Variants in CTNND2 observed in about 807,000 individuals in gnomAD.
CTNND2 encodes catenin delta 2.
A neutral mutation model predicts 144.4 loss-of-function variants in CTNND2; 22 were observed. The observed-to-expected ratio is 0.15, with a 90% CI of 0.11 to 0.22. The LOEUF (loss-of-function observed/expected upper bound fraction) is 0.22, where lower values mean the gene tolerates loss of function less well. Ranked by LOEUF, CTNND2 falls within the 10% of genes least tolerant of loss-of-function variation. The probability of loss-of-function intolerance (pLI) is 1.00; values close to 1 mark genes in which losing one functional copy is unlikely to be tolerated. For missense variants in CTNND2, 1,353 were observed against 1,618.8 expected, an observed-to-expected ratio of 0.84 and a Z score of 2.82; for synonymous variants, 751 against 695.6, an observed-to-expected ratio of 1.08 and a Z score of -1.25.
chr5:11,742,470 G>A (rs965740876), intron 1 of CTNND2, among the ~76,000 whole-genome samples: 1 of 152,020 alleles, frequency 6.6e-6, no homozygotes, highest in African/African-American at 2.4e-5. Context: ...CTTCTCTCAT[G>A]TAGATCAAAG....
intron 8 of CTNND2, 93 bp from the exon 9 acceptor site, chr5:11,346,720 A>C (rs1236836427): frequency 5.7e-6 from 7 of 1,227,478 alleles, no homozygotes; most frequent in Non-Finnish European, 7.4e-6. Context: ...GAAGTTACAC[A>C]CATAAAAAAT....
At chr5:11,374,184 A>G (rs975930011) in intron 7 of CTNND2, among the ~76,000 whole-genome samples, 4 of 152,266 alleles carry the variant, frequency 2.6e-5, no homozygotes, top group African/African-American at 9.6e-5. Context: ...AGACCCCTAG[A>G]AAGACTCTAC....
At chr5:11,493,387 C>T (rs894641322) in intron 3 of CTNND2, among the ~76,000 whole-genome samples, 1 of 152,188 alleles carries the variant, frequency 6.6e-6, no homozygotes, top group Non-Finnish European at 1.5e-5. Flanking sequence ...AAACTATAGG[C>T]TGCACTTCTG....
In CTNND2 at chr5:11,240,730, GCACA is replaced by G. The variant is rs780270727; in HGVS notation, c.1629-3911_1629-3908del. ...CACACACACCCAAAACACACACTCA[GCACA>G]CACACACCCAACACACACACATCCA... On this transcript the variant is annotated intron_variant, in intron 9 of 21. Transcript: ENST00000304623. Among the ~76,000 whole-genome samples the G allele has an allele frequency of 3.2e-4, 26 of 81,280 alleles. 1 individual carries two copies. The highest frequency in any genetic ancestry group is 4.5e-4 in the East Asian group (1 of 2,210). The allele number at this position is 81,280 out of a possible 152,430, so 53.3% of individuals were successfully genotyped here.
At chr5:11,560,276 G>A (rs1776581742) in intron 3 of CTNND2, among the ~76,000 whole-genome samples, 1 of 152,066 alleles carries the variant, frequency 6.6e-6, no homozygotes. Context: ...TGTCATTTAG[G>A]AGCAGTCCAT....
intron 2 of CTNND2, among the ~76,000 whole-genome samples, chr5:11,659,742 C>G (rs1783090738): frequency 6.6e-6 from 1 of 152,090 alleles, no homozygotes; most frequent in Admixed American, 6.6e-5. Context: ...CTCTTTTTCT[C>G]CTTGTCTCTT....
At chr5:11,599,584 T>C (rs1779677795) in intron 2 of CTNND2, among the ~76,000 whole-genome samples, 1 of 152,180 alleles carries the variant, frequency 6.6e-6, no homozygotes, top group Admixed American at 6.5e-5. Context: ...GGATTTGGGT[T>C]TTTTTGCTTG....
chr5:11,310,622 G>T (rs1257526557), intron 9 of CTNND2, among the ~76,000 whole-genome samples: 1 of 151,694 alleles, frequency 6.6e-6, no homozygotes, highest in Non-Finnish European at 1.5e-5. Context: ...TCTCAACATG[G>T]AAACACCCCG....
intron 2 of CTNND2, among the ~76,000 whole-genome samples, chr5:11,695,565 G>C (rs993998616): frequency 6.6e-6 from 1 of 152,116 alleles, no homozygotes; most frequent in Non-Finnish European, 1.5e-5. Flanking sequence ...TTAAAATAAT[G>C]CTTTTCTATT....
At chr5:11,316,476 T>TATTATTATA (rs1209957737) in intron 9 of CTNND2, among the ~76,000 whole-genome samples, 1 of 133,762 alleles carries the variant, frequency 7.5e-6, no homozygotes, top group African/African-American at 3.3e-5. Flanking sequence ...TTTTTATTAT[T>TATTATTATA]ATTATTATTA....
At chr5:11,414,648 C>T (rs59830928) in intron 3 of CTNND2, among the ~76,000 whole-genome samples, 1,814 of 152,262 alleles carry the variant, frequency 0.012, 69 homozygotes, top group East Asian at 0.11. Context: ...GTTTGTTACA[C>T]AGGTAAACTC....
intron 9 of CTNND2, among the ~76,000 whole-genome samples, chr5:11,327,243 T>G (rs895282412): frequency 3.3e-5 from 5 of 152,062 alleles, no homozygotes; most frequent in Non-Finnish European, 7.4e-5. Flanking sequence ...AATAAAGCTT[T>G]CAGCAAGTAT....
At position 11,244,315 on chromosome 5, in the gene CTNND2, T is replaced by C. The variant is rs28398347; in HGVS notation, c.1629-7492A>G. Among the ~76,000 whole-genome samples the C allele has an allele frequency of 2.3e-3, 329 of 144,992 alleles. 3 individuals carry two copies. The highest frequency in any genetic ancestry group is 7.6e-3 in the African/African-American group (292 of 38,586). Reference sequence around the variant, plus strand: ...TTTTTTTTTTTTTTTGAGACAGTCTTACTCTGTTGCCCAGGCTGGAGTGCA... The same window carrying C: ...TTTTTTTTTTTTTTTGAGACAGTCTCACTCTGTTGCCCAGGCTGGAGTGCA... On this transcript the variant is annotated intron_variant, in intron 9 of 21. Transcript: ENST00000304623.
intron 5 of CTNND2, among the ~76,000 whole-genome samples, chr5:11,408,965 T>C (rs1054295858): frequency 1.3e-5 from 2 of 152,094 alleles, no homozygotes; most frequent in Non-Finnish European, 2.9e-5. Flanking sequence ...TATTATCGTA[T>C]GCATCTTACT....
intron 1 of CTNND2, among the ~76,000 whole-genome samples, chr5:11,780,007 C>T (rs543303425): frequency 1.3e-5 from 2 of 152,190 alleles, no homozygotes; most frequent in Non-Finnish European, 2.9e-5. Flanking sequence ...AAAAGCAGGG[C>T]CTCCATTTAA....
chr5:11,414,200 G>C (rs959423943), intron 3 of CTNND2, among the ~76,000 whole-genome samples: 2 of 152,124 alleles, frequency 1.3e-5, no homozygotes, highest in African/African-American at 4.8e-5. Context: ...GGTAGGGAAG[G>C]AAACTCCCCT....
chr5:11,472,344 T>A (rs1767310160), intron 3 of CTNND2, among the ~76,000 whole-genome samples: 1 of 152,230 alleles, frequency 6.6e-6, no homozygotes, highest in Admixed American at 6.5e-5. Flanking sequence ...AACTATTTTA[T>A]CATTTTACTT....
chr5:11,470,447 A>G (rs1401099541), intron 3 of CTNND2, among the ~76,000 whole-genome samples: 1 of 152,098 alleles, frequency 6.6e-6, no homozygotes, highest in Admixed American at 6.5e-5. Flanking sequence ...AAAAAGAAAA[A>G]TTGAGAAGAT....
intron 1 of CTNND2, among the ~76,000 whole-genome samples, chr5:11,787,795 T>C (rs1403567522): frequency 6.6e-6 from 1 of 152,206 alleles, no homozygotes; most frequent in African/African-American, 2.4e-5. Context: ...TAGGTAAAGA[T>C]AAAATAGAGT....
Sources: gnomAD v4.1 joint callset for allele counts (sites outside exome capture counted in the v4.1 genomes callset) on GRCh38, gnomAD v4.1.1 for gene constraint, MANE v1.5 for transcripts, NCBI Gene and HGNC (gene_info 2026-07-23, HGNC 2026-07-21) for gene names.